Variants in SOX5 observed in about 807,000 individuals in gnomAD.
The protein encoded by SOX5 is transcription factor SOX-5.
Under a neutral mutation model 92.0 loss-of-function variants are expected in SOX5, and 9 were observed. The observed-to-expected ratio is 0.10, with a 90% confidence interval of 0.06 to 0.17. The LOEUF is 0.17. Ranked by LOEUF, SOX5 falls within the 10% of genes least tolerant of loss-of-function variation. The pLI is 1.00. For missense variants in SOX5, 642 were observed against 944.5 expected, an observed-to-expected ratio of 0.68 and a Z score of 4.20; for synonymous variants, 344 against 336.3, an observed-to-expected ratio of 1.02 and a Z score of -0.25.
chr12:23,679,172 A>T (rs964364727), intron 6 of SOX5, among the ~76,000 whole-genome samples: 1 of 152,180 alleles, frequency 6.6e-6, no homozygotes, highest in African/African-American at 2.4e-5. Context: ...AAATCTAGTA[A>T]ATCGAAAGTA....
intron 4 of SOX5, among the ~76,000 whole-genome samples, chr12:24,200,644 G>A (rs1957428723): frequency 6.6e-6 from 1 of 152,154 alleles, no homozygotes; most frequent in Non-Finnish European, 1.5e-5. Context: ...CTTCAAAGAA[G>A]TACAATATCT....
At chr12:23,539,564 G>A (rs952679459) in intron 13 of SOX5, among the ~76,000 whole-genome samples, 1 of 148,814 alleles carries the variant, frequency 6.7e-6, no homozygotes, top group African/African-American at 2.5e-5. Context: ...TCTTTCGGTG[G>A]AAAGAGGAGT....
intron 4 of SOX5, among the ~76,000 whole-genome samples, chr12:23,965,671 T>G (rs764474442): frequency 6.6e-6 from 1 of 152,154 alleles, no homozygotes; most frequent in Non-Finnish European, 1.5e-5. Context: ...TAGGCTGGAG[T>G]GCAGTGGCAC....
intron 1 of SOX5, among the ~76,000 whole-genome samples, chr12:24,466,345 A>T (rs745361725): frequency 2.6e-5 from 4 of 152,046 alleles, no homozygotes; most frequent in Non-Finnish European, 4.4e-5. Context: ...TCCTGGACTC[A>T]AGTGTTCCTC....
At chr12:24,510,864 A>G (rs1185524984) in intron 1 of SOX5, among the ~76,000 whole-genome samples, 1 of 152,196 alleles carries the variant, frequency 6.6e-6, no homozygotes, top group Non-Finnish European at 1.5e-5. Context: ...ATGAGTACCC[A>G]CAGTGAATAG....
rs145989790 is a variant in SOX5, at chr12:24,351,566, C to T, written c.-174+16997G>A. On this transcript the variant is annotated intron_variant, in intron 2 of 4. Transcript: ENST00000446891. ...CCTAGGTTGAAAGAACAGCTTAATT[C>T]CTTTCCTCTATACTTAAAGTATCAT... Among the ~76,000 whole-genome samples the T allele has an allele frequency of 3.8e-3, 582 of 152,260 alleles. 10 individuals carry two copies. Among genetic ancestry groups the T allele is most frequent in the Admixed American group, 0.036 (553 of 15,294 alleles).
intron 3 of SOX5, among the ~76,000 whole-genome samples, chr12:23,792,621 TCAAAAAAAAAAAAAA>T (rs2095493776): frequency 3.0e-5 from 1 of 33,540 alleles, no homozygotes; most frequent in African/African-American, 1.9e-4. Context: ...AGGCTCTGTC[TCAAAAAAAAAAAAAA>T]AAAAAAAAAA....
chr12:23,662,808 C>A (rs1289465594), intron 7 of SOX5, among the ~76,000 whole-genome samples: 1 of 152,118 alleles, frequency 6.6e-6, no homozygotes, highest in Non-Finnish European at 1.5e-5. Context: ...CGTTTATCAT[C>A]AGTATGTTCA....
At chr12:23,955,061 G>A (rs1452644945), upstream of SOX5, among the ~76,000 whole-genome samples, 2 of 152,148 alleles carry the variant, frequency 1.3e-5, no homozygotes, top group East Asian at 1.9e-4. Context: ...TACGAATGAG[G>A]AAGTCCCAAA....
chr12:24,445,244 G>C (rs919290783), intron 1 of SOX5, among the ~76,000 whole-genome samples: 3 of 152,164 alleles, frequency 2.0e-5, no homozygotes, highest in Non-Finnish European at 4.4e-5. Flanking sequence ...GGTCAAATTT[G>C]CATGGTATCA....
At chr12:23,555,514 A>C (rs578131517) in intron 11 of SOX5, among the ~76,000 whole-genome samples, 1 of 152,286 alleles carries the variant, frequency 6.6e-6, no homozygotes, top group South Asian at 2.1e-4. Flanking sequence ...AAGCTCCTTA[A>C]AAACTCACAC....
chr12:24,065,798 T>C lies in SOX5; in HGVS notation c.-2+147545A>G, dbSNP rs534970357. Among the ~76,000 whole-genome samples the C allele has an allele frequency of 2.4e-4, 37 of 152,306 alleles. 1 individual carries two copies. Among genetic ancestry groups the C allele is most frequent in the Middle Eastern group, 3.4e-3 (1 of 294 alleles). On this transcript the variant is annotated intron_variant, in intron 4 of 4. Transcript: ENST00000446891. ...CTTCTTCACTTTGTGCCCAGGCCCT[T>C]AATCTCCATGAAATGCATATCCCTG...
At position 24,056,974 on chromosome 12, in the gene SOX5, C is replaced by CAAAAAAAAAAAAAAAAAAA. The variant is rs60085412; in HGVS notation, c.-2+156350_-2+156368dup. On this transcript the variant is annotated intron_variant, in intron 4 of 4. Transcript: ENST00000446891. ...TGGGCGACAGAGCGAGACTCCGTCT[C>CAAAAAAAAAAAAAAAAAAA]AAAAAAAAAAAAAAAAAAATTCAAC... Among the ~76,000 whole-genome samples, 266 of 36,712 alleles carry CAAAAAAAAAAAAAAAAAAA rather than the reference C, an allele frequency of 7.2e-3. 14 individuals carry two copies. Among genetic ancestry groups the CAAAAAAAAAAAAAAAAAAA allele is most frequent in the Middle Eastern group, 0.019 (1 of 52 alleles). 24.1% of individuals were successfully genotyped at this position (36,712 alleles called of 152,430 possible).
intron 4 of SOX5, among the ~76,000 whole-genome samples, chr12:23,745,281 A>G (rs953921066): frequency 6.6e-6 from 1 of 152,096 alleles, no homozygotes; most frequent in Non-Finnish European, 1.5e-5. Context: ...TTTTTTCATG[A>G]ATTTTTGTAA....
At chr12:24,018,773 G>C (rs1449376275) in intron 4 of SOX5, among the ~76,000 whole-genome samples, 3 of 152,106 alleles carry the variant, frequency 2.0e-5, no homozygotes, top group South Asian at 4.1e-4. Context: ...ACTCCAGCCT[G>C]GGCAACAGAG....
intron 1 of SOX5, among the ~76,000 whole-genome samples, chr12:24,493,568 TAA>T (rs1320498452): frequency 6.6e-6 from 1 of 152,156 alleles, no homozygotes; most frequent in African/African-American, 2.4e-5. Context: ...CTCTCTGAAA[TAA>T]AAAGTTTGTT....
rs1004760847 is a variant in SOX5 at position 24,553,937 on chromosome 12, C to T, written c.-251+8392G>A. Among the ~76,000 whole-genome samples the T allele has an allele frequency of 4.6e-5, 7 of 152,030 alleles. No homozygotes were observed. The East Asian group carries it at 5.8e-4, about 13-fold the overall frequency. ...TGGATGTGGAAAAGACACTCCTATT[C>T]GGTTAATAGAGAAGGTACGTGGAGA... On this transcript the variant is annotated intron_variant, in intron 1 of 4. Coordinates refer to the SOX5 transcript ENST00000446891.
In SOX5 at chr12:24,393,262, T is replaced by C. The variant is rs1959173315; in HGVS notation, c.-250-24623A>G. Among the ~76,000 whole-genome samples, 1 of 152,198 alleles carries C rather than the reference T, an allele frequency of 6.6e-6. No homozygotes were observed. Among genetic ancestry groups the C allele is most frequent in the African/African-American group, 2.4e-5 (1 of 41,448 alleles). ...GTTCCCCATTCTAAATTCTGTCTACTAAACAAATTAGCAAGCTCATCAATA... is the reference window on the plus strand; with the variant it reads ...GTTCCCCATTCTAAATTCTGTCTACCAAACAAATTAGCAAGCTCATCAATA... On this transcript the variant is annotated intron_variant, in intron 1 of 4. Coordinates refer to the SOX5 transcript ENST00000446891. The surrounding 1 kb of genome is among the most constrained non-coding windows in gnomAD (Gnocchi z 5.0).
At chr12:24,178,769 T>C (rs1955128095) in intron 4 of SOX5, among the ~76,000 whole-genome samples, 1 of 152,176 alleles carries the variant, frequency 6.6e-6, no homozygotes, top group Non-Finnish European at 1.5e-5. Context: ...CTGTATAAAG[T>C]AGAATGAATT....
Sources: allele counts gnomAD v4.1 joint callset (sites outside exome capture counted in the v4.1 genomes callset), GRCh38; gene constraint gnomAD v4.1.1; non-coding constraint Gnocchi (gnomAD v3.1); transcripts MANE v1.5; gene names NCBI Gene and HGNC (gene_info 2026-07-23, HGNC 2026-07-21).